Variants in ERAP2 observed in about 807,000 individuals in gnomAD.
ERAP2 encodes the protein endoplasmic reticulum aminopeptidase 2.
ERAP2 carries 118 observed loss-of-function variants against 111.1 expected under a neutral mutation model. The observed-to-expected ratio is 1.06, with a 90% CI of 0.92 to 1.24. The LOEUF (loss-of-function observed/expected upper bound fraction) is 1.24. Ranked by LOEUF, ERAP2 falls within the 50% of genes most tolerant of loss-of-function variation. The pLI is 0.00. For synonymous variants in ERAP2, 410 were observed against 401.2 expected (o/e 1.02, Z -0.26); for missense variants, 1,131 against 1,125.8 (o/e 1.00, Z -0.07).
chr5:96,912,217 A>C (rs1455443358), intron 15 of ERAP2, among the ~76,000 whole-genome samples: 1 of 151,510 alleles, frequency 6.6e-6, no homozygotes, highest in Non-Finnish European at 1.5e-5. Flanking sequence ...AAAGAAAAGA[A>C]AAAAATGCCT....
chr5:96,912,188 CAAA>C (rs1266993157), intron 15 of ERAP2, among the ~76,000 whole-genome samples: 1 of 84,270 alleles, frequency 1.2e-5, no homozygotes, highest in African/African-American at 4.7e-5. Context: ...GACTCCACCT[CAAA>C]AAAAAAAAAA....
intron 13 of ERAP2, among the ~76,000 whole-genome samples, chr5:96,904,687 A>C (rs1039612717): frequency 1.3e-5 from 2 of 152,234 alleles, no homozygotes; most frequent in Non-Finnish European, 2.9e-5. Context: ...ATTGAAGAGA[A>C]GATAGATTAA....
intron 4 of ERAP2, among the ~76,000 whole-genome samples, chr5:96,888,764 TC>T (rs1410754013): frequency 1.3e-5 from 2 of 152,250 alleles, no homozygotes; most frequent in African/African-American, 4.8e-5. Context: ...TCCAATAAGT[TC>T]TTCATGGCTT....
chr5:96,881,523 T>C (rs1783130899), intron 2 of ERAP2: 1 of 453,938 alleles, frequency 2.2e-6, no homozygotes, highest in African/African-American at 2.0e-5. Context: ...TTATGTGAAT[T>C]GTGTTCAATT....
chr5:96,894,576 A>G (rs764819364), intron 6 of ERAP2, among the ~76,000 whole-genome samples: 2 of 152,244 alleles, frequency 1.3e-5, no homozygotes, highest in African/African-American at 2.4e-5. Flanking sequence ...AGTAATATTT[A>G]AAATGCATAA....
intron 10 of ERAP2, 161 bp downstream of exon 10, chr5:96,900,350 G>T: frequency 9.0e-7 from 1 of 1,105,234 alleles, no homozygotes; most frequent in Non-Finnish European, 1.2e-6. Context: ...AAATGCTTGG[G>T]GTATTTAGGG....
chr5:96,914,560 C>A (rs2549801), intron 17 of ERAP2, among the ~76,000 whole-genome samples: 82,450 of 152,130 alleles, frequency 0.54, 22,424 homozygotes, highest in Admixed American at 0.59. Context: ...CCTTAATCTA[C>A]AATGCTGTGG....
intron 6 of ERAP2, among the ~76,000 whole-genome samples, chr5:96,893,242 T>C (rs1279656080): frequency 2.0e-5 from 3 of 152,214 alleles, no homozygotes; most frequent in African/African-American, 7.2e-5. Flanking sequence ...CTCTCAGTAA[T>C]GCAGTAAATT....
chr5:96,910,514 T>C (rs2112356502), intron 15 of ERAP2, among the ~76,000 whole-genome samples: 1 of 152,272 alleles, frequency 6.6e-6, no homozygotes, highest in East Asian at 1.9e-4. Flanking sequence ...TTGTTTCTGT[T>C]TCAATGGGTT....
rs1256090167 is a variant in ERAP2 at position 96,879,645 on chromosome 5, A to G, written c.-41A>G. ...GTGCAGTGCCATGAAGAACTACGAG[A>G]TTAGCCTGGATATTAACTTGTCTTC... is the stretch of plus-strand genomic sequence containing the variant. On this transcript the variant is annotated 5_prime_UTR_variant, in exon 2 of 19. Transcript: ENST00000437043. 4 of 1,561,164 alleles carry G rather than the reference A, an allele frequency of 2.6e-6. No individual in the cohort carries two copies. In the East Asian group the frequency reaches 9.0e-5, roughly 35 times the overall value.
chr5:96,915,339 T>C (rs758203187), intron 17 of ERAP2, among the ~76,000 whole-genome samples: 33 of 152,186 alleles, frequency 2.2e-4, no homozygotes, highest in Non-Finnish European at 3.8e-4. Flanking sequence ...ATATGTATAT[T>C]GGGAAGTTCT....
intron 1 of ERAP2, among the ~76,000 whole-genome samples, chr5:96,878,079 A>G (rs1052616275): frequency 6.6e-6 from 1 of 152,174 alleles, no homozygotes; most frequent in African/African-American, 2.4e-5. Flanking sequence ...GATTCCCCCA[A>G]ATTAACTATG....
chr5:96,896,659 AG>A, intron 8 of ERAP2, 72 bp from the exon 9 acceptor site: 1 of 1,483,894 alleles, frequency 6.7e-7, no homozygotes, highest in Non-Finnish European at 9.0e-7. Context: ...GTAAAATTTA[AG>A]CTTCCTTTAA....
rs755697353 is a variant in ERAP2, at chr5:96,879,654, G to A, written c.-32G>A. 1.0e-5 allele frequency: 16 copies of A among 1,584,182 alleles called. No homozygotes were observed. Among genetic ancestry groups the A allele is most frequent in the Non-Finnish European group, 1.4e-5 (16 of 1,154,764 alleles). On this transcript the variant is annotated 5_prime_UTR_variant, in exon 2 of 19. Coordinates refer to ENST00000437043, the MANE Select transcript of ERAP2 (RefSeq NM_022350.5). Reference sequence around the variant, plus strand: ...CATGAAGAACTACGAGATTAGCCTGGATATTAACTTGTCTTCTAGAGAATA... The same window carrying A: ...CATGAAGAACTACGAGATTAGCCTGAATATTAACTTGTCTTCTAGAGAATA...
chr5:96,914,994 T>C (rs1282184762), intron 17 of ERAP2, among the ~76,000 whole-genome samples: 1 of 152,064 alleles, frequency 6.6e-6, no homozygotes, highest in Admixed American at 6.6e-5. Context: ...AACATATGCA[T>C]ATAATTTTTT....
chr5:96,918,195 T>C lies in ERAP2; in HGVS notation c.*590T>C, dbSNP rs1787656582. ...CCTGAATAATGGATATATGTGGAGATACAGACATAGATATATAGATACAGC... is the reference window on the plus strand; with the variant it reads ...CCTGAATAATGGATATATGTGGAGACACAGACATAGATATATAGATACAGC... On this transcript the variant is annotated 3_prime_UTR_variant, in exon 19 of 19. Transcript: ENST00000437043. 6.6e-6 allele frequency: 1 copy of C among 152,376 alleles called. No homozygotes were observed. The highest frequency in any genetic ancestry group is 1.5e-5 in the Non-Finnish European group (1 of 68,076). The allele number at this position is 152,376 out of a possible 1,614,324, so 9.4% of individuals were successfully genotyped here. A position where few individuals can be genotyped will look rare whatever the true frequency, so the allele number is the denominator to read the frequency against.
At chr5:96,876,451 A>C (rs539819215), upstream of ERAP2, 1 of 152,488 alleles carries the variant, frequency 6.6e-6, no homozygotes. Flanking sequence ...AAGCATGCAA[A>C]GTTCTGAATC....
chr5:96,918,030 T>A lies in ERAP2; in HGVS notation c.*425T>A, dbSNP rs1787637963. On this transcript the variant is annotated 3_prime_UTR_variant, in exon 19 of 19. Coordinates refer to ENST00000437043, the MANE Select transcript of ERAP2 (RefSeq NM_022350.5). ...TGAAGCTCAAGTCAAGAGCTGTGGA[T>A]ATTTTGTCTAACCAACAAGAAGTCT... 6.6e-6 allele frequency: 1 copy of A among 152,164 alleles called. No homozygotes were observed. The highest frequency in any genetic ancestry group is 2.4e-5 in the African/African-American group (1 of 41,224). 9.4% of individuals were successfully genotyped at this position (152,164 alleles called of 1,614,324 possible). A position where few individuals can be genotyped will look rare whatever the true frequency, so the allele number is the denominator to read the frequency against.
In ERAP2 at chr5:96,892,294, C is replaced by G. The variant is rs1784464904; in HGVS notation, c.971-5C>G. The G allele has an allele frequency of 1.2e-6, 2 of 1,613,380 alleles. No individual in the cohort carries two copies. Among genetic ancestry groups the G allele is most frequent in the Non-Finnish European group, 1.7e-6 (2 of 1,179,614 alleles). ...AACTCAAGTATGGTTGTTCTTATTTCTTAGATTTAATTGCTATTCCTGACT... is the reference window on the plus strand; with the variant it reads ...AACTCAAGTATGGTTGTTCTTATTTGTTAGATTTAATTGCTATTCCTGACT... On this transcript the variant is annotated splice_region_variant and splice_polypyrimidine_tract_variant and intron_variant, in intron 5 of 18. Transcript: ENST00000437043.
Sources: allele counts gnomAD v4.1 joint callset (sites outside exome capture counted in the v4.1 genomes callset), GRCh38; gene constraint gnomAD v4.1.1; transcripts MANE v1.5; gene names NCBI Gene and HGNC (gene_info 2026-07-23, HGNC 2026-07-21).